XRN1: variants seen among roughly 807,000 people sequenced by gnomAD.
XRN1 encodes the protein strand-exchange protein 1 homolog.
In XRN1, 67 loss-of-function variants were observed where a neutral mutation model predicts 222.3. The observed-to-expected ratio is 0.30, with a 90% CI of 0.25 to 0.37. XRN1 has a LOEUF of 0.37. XRN1 is among the 10% of genes least tolerant of loss of function. XRN1 has a pLI of 1.00. For synonymous variants in XRN1, 643 were observed against 652.4 expected (o/e 0.99, Z 0.22); for missense variants, 1,707 against 2,000.2 (o/e 0.85, Z 2.80).
At chr3:142,365,709 C>G (rs1340416845) in intron 27 of XRN1, among the ~76,000 whole-genome samples, 1 of 152,106 alleles carries the variant, frequency 6.6e-6, no homozygotes, top group African/African-American at 2.4e-5. Flanking sequence ...AAGCACAACA[C>G]AAGAAATCCT....
intron 27 of XRN1, among the ~76,000 whole-genome samples, chr3:142,367,798 A>C (rs551281275): frequency 8.3e-4 from 126 of 152,226 alleles, no homozygotes; most frequent in Non-Finnish European, 1.5e-3. Flanking sequence ...AAGTGCTGGA[A>C]TTACAGCTGT....
At chr3:142,405,651 C>T (rs1000147960) in intron 15 of XRN1, among the ~76,000 whole-genome samples, 8 of 152,198 alleles carry the variant, frequency 5.3e-5, no homozygotes, top group Admixed American at 3.9e-4. Flanking sequence ...AACACTAGTA[C>T]TGACACTACA....
chr3:142,411,103 T>G (rs2068559323), intron 15 of XRN1, among the ~76,000 whole-genome samples: 1 of 152,186 alleles, frequency 6.6e-6, no homozygotes, highest in Non-Finnish European at 1.5e-5. Context: ...TTCATCTAGG[T>G]TGTTGAATTT....
chr3:142,403,917 T>G lies in XRN1; in HGVS notation c.1956A>C (p.Lys652Asn), dbSNP rs777298020. ...NKNKITRIDQ[K>N]ALYFCGFPTL... ...TAGGAAATCCACAGAAATATAATGCTTTCTGGTCAATTCTGGTTATTTTGT... is the reference window on the plus strand; with the variant it reads ...TAGGAAATCCACAGAAATATAATGCGTTCTGGTCAATTCTGGTTATTTTGT... Residue 652 changes from lysine to asparagine, a missense_variant, in exon 17 of 41, where the codon AAA becomes AAC. Lys to Asn is a moderately conservative substitution (Grantham distance 94). Around this residue, in one of 2 missense-constraint regions of XRN1, gnomAD observed 1,234 missense variants for 1,518.2 expected, o/e 0.81. Coordinates refer to ENST00000392981, the MANE Select transcript of XRN1 (RefSeq NM_001282857.2). The G allele has an allele frequency of 6.2e-7, 1 of 1,613,082 alleles. No homozygotes were observed. The highest frequency in any genetic ancestry group is 8.5e-7 in the Non-Finnish European group (1 of 1,179,344).
rs951578136 is a variant in XRN1 at position 142,393,703 on chromosome 3, C to T, written c.2339+3626G>A. On this transcript the variant is annotated intron_variant, in intron 20 of 40. Coordinates refer to ENST00000392981, the MANE Select transcript of XRN1 (RefSeq NM_001282857.2). Reference sequence around the variant, plus strand: ...TTTGACATTATCCATAACTACCGAACCTCTGAAATCACTAACACAAACATC... The same window carrying T: ...TTTGACATTATCCATAACTACCGAATCTCTGAAATCACTAACACAAACATC... Among the ~76,000 whole-genome samples the T allele has an allele frequency of 2.6e-5, 4 of 152,318 alleles. No individual in the cohort carries two copies. The South Asian group carries it at 8.3e-4, about 32-fold the overall frequency.
intron 36 of XRN1, among the ~76,000 whole-genome samples, chr3:142,331,809 C>CT (rs2107917960): frequency 6.6e-6 from 1 of 152,226 alleles, no homozygotes; most frequent in Admixed American, 6.5e-5. Flanking sequence ...GGGTCTATCT[C>CT]TGTTGCCCAG....
At chr3:142,364,773 T>C (rs1417392449) in intron 29 of XRN1, among the ~76,000 whole-genome samples, 1 of 152,168 alleles carries the variant, frequency 6.6e-6, no homozygotes. Flanking sequence ...CACCAAGATC[T>C]TGCATAATTT....
intron 35 of XRN1, 24 bp from the exon 36 acceptor site, chr3:142,332,558 A>C (rs2107921188): frequency 6.3e-7 from 1 of 1,592,900 alleles, no homozygotes; most frequent in East Asian, 2.2e-5. Flanking sequence ...ATTCACATGG[A>C]GATGGTGAGG....
rs1212810251 is a variant in XRN1, at chr3:142,326,846, T to C, written c.4404+2588A>G. Among the ~76,000 whole-genome samples the C allele has an allele frequency of 2.0e-5, 3 of 152,198 alleles. No individual in the cohort carries two copies. The East Asian group carries it at 5.8e-4, about 29-fold the overall frequency. ...GTTATCACAAAGAGATGCTGAATTT[T>C]ATCAAACACTTTTTCAGTTAGTATT... On this transcript the variant is annotated intron_variant, in intron 37 of 40. Transcript: ENST00000392981.
chr3:142,383,382 T>C lies in XRN1; in HGVS notation c.2534A>G (p.Asn845Ser), dbSNP rs918591609. 1.2e-6 allele frequency: 2 copies of C among 1,613,956 alleles called. No homozygotes were observed. The highest frequency in any genetic ancestry group is 2.2e-5 in the South Asian group (2 of 91,034). ...AAACAAATCATCCAATGTTTTGATA[T>C]TGGAGAAACGGGAGTCGAAAGCTCG... ...DIRAFDSRFS[N>S]IKTLDDLFPL... The change falls in exon 22 of 41, where the codon AAT becomes AGT. Residue 845 changes from asparagine (N) to serine (S), a missense_variant. Physicochemically the swap from Asn to Ser is conservative, Grantham distance 46. Around this residue, in one of 2 missense-constraint regions of XRN1, gnomAD observed 1,234 missense variants for 1,518.2 expected, o/e 0.81. Coordinates refer to ENST00000392981, the MANE Select transcript of XRN1 (RefSeq NM_001282857.2).
chr3:142,400,581 T>A, intron 18 of XRN1, 34 bp from the exon 19 acceptor site: 1 of 1,567,628 alleles, frequency 6.4e-7, no homozygotes, highest in South Asian at 1.2e-5. Context: ...CATTCATGAT[T>A]TCAGGTCTAA....
chr3:142,378,443 G>A (rs2067205430), intron 23 of XRN1, among the ~76,000 whole-genome samples: 2 of 152,196 alleles, frequency 1.3e-5, no homozygotes, highest in South Asian at 4.1e-4. Flanking sequence ...AGAAATAAAT[G>A]AAGATATTCC....
rs1374935329 is a variant in XRN1, at chr3:142,307,520, C to T, written c.*3991G>A. ...TTCACTGACACACACACAAAAGCAG[C>T]TACAGATAGTTGACATTTTGGACTA... On this transcript the variant is annotated 3_prime_UTR_variant, in exon 41 of 41. Coordinates refer to ENST00000392981, the MANE Select transcript of XRN1 (RefSeq NM_001282857.2). 1 of 152,158 alleles carries T rather than the reference C, an allele frequency of 6.6e-6. No individual in the cohort carries two copies. Among genetic ancestry groups the T allele is most frequent in the Non-Finnish European group, 1.5e-5 (1 of 68,036 alleles). 9.4% of individuals were successfully genotyped at this position (152,158 alleles called of 1,614,324 possible). A position where few individuals can be genotyped will look rare whatever the true frequency, so the allele number is the denominator to read the frequency against.
intron 36 of XRN1, among the ~76,000 whole-genome samples, chr3:142,330,592 A>AG: frequency 6.9e-6 from 1 of 143,922 alleles, no homozygotes; most frequent in Non-Finnish European, 1.5e-5. Flanking sequence ...AAAGCCTATG[A>AG]GTTTTTTTTT....
chr3:142,358,075 CA>C (rs1360187028), intron 30 of XRN1, among the ~76,000 whole-genome samples: 1 of 151,776 alleles, frequency 6.6e-6, no homozygotes, highest in East Asian at 1.9e-4. Flanking sequence ...AAAACAAAAA[CA>C]AAAAAACGAA....
intron 18 of XRN1, among the ~76,000 whole-genome samples, chr3:142,402,523 G>A (rs916102689): frequency 1.3e-5 from 2 of 152,054 alleles, no homozygotes; most frequent in African/African-American, 4.8e-5. Context: ...CTGAATCAGA[G>A]AACACAAAAT....
chr3:142,376,830 G>A (rs903379725), intron 23 of XRN1, among the ~76,000 whole-genome samples: 11 of 152,202 alleles, frequency 7.2e-5, no homozygotes, highest in South Asian at 6.2e-4. Flanking sequence ...TGGATAAAAG[G>A]GGGGAGGAAA....
chr3:142,322,562 T>C (rs1393456376), intron 37 of XRN1, among the ~76,000 whole-genome samples: 2 of 152,052 alleles, frequency 1.3e-5, no homozygotes, highest in African/African-American at 4.8e-5. Flanking sequence ...TGCATGTGCC[T>C]GTAGTCCCAG....
rs1225537736 is a variant in XRN1 at position 142,320,556 on chromosome 3, GT to G, written c.4405-1654del. On this transcript the variant is annotated intron_variant, in intron 37 of 40. Transcript: ENST00000392981. ...TCTTTTGCTGTGCAGGAGCTTTTTA[GT>G]TTAGTTGAGTCCCATTTGTCTATTT... 5.0e-3 allele frequency among the ~76,000 whole-genome samples: 768 copies of G among 152,202 alleles called. 8 individuals are homozygous for G. The highest frequency in any genetic ancestry group is 0.018 in the African/African-American group (742 of 41,548).
Sources: gnomAD v4.1 joint callset for allele counts (sites outside exome capture counted in the v4.1 genomes callset) on GRCh38, gnomAD v4.1.1 for gene constraint, gnomAD v4.1.1 regional missense constraint, MANE v1.5 for transcripts, NCBI Gene and HGNC (gene_info 2026-07-23, HGNC 2026-07-21) for gene names.